CHCHD6: variants seen among roughly 807,000 people sequenced by gnomAD.
CHCHD6 encodes MICOS complex subunit MIC25.
In CHCHD6, 28 loss-of-function variants were observed where a neutral mutation model predicts 32.3. That is an observed-to-expected ratio of 0.87 (90% confidence interval 0.64 to 1.19). CHCHD6 has a LOEUF of 1.19. Ranked by LOEUF, CHCHD6 falls within the 50% of genes most tolerant of loss-of-function variation. The probability of loss-of-function intolerance (pLI) is 0.00; values close to 1 mark genes in which losing one functional copy is unlikely to be tolerated. For synonymous variants in CHCHD6, 122 were observed against 117.5 expected (o/e 1.04, Z -0.25); for missense variants, 333 against 307.0 (o/e 1.08, Z -0.63).
chr3:126,899,738 G>A (rs568806433), intron 5 of CHCHD6, among the ~76,000 whole-genome samples: 2 of 152,352 alleles, frequency 1.3e-5, no homozygotes, highest in Admixed American at 1.3e-4. Context: ...ACATTGGAAA[G>A]GGACATTTTG....
At chr3:126,932,826 C>T (rs149248871) in intron 6 of CHCHD6, among the ~76,000 whole-genome samples, 6 of 152,338 alleles carry the variant, frequency 3.9e-5, no homozygotes, top group Non-Finnish European at 7.3e-5. Flanking sequence ...CCTCCCTGTC[C>T]GTTTGCTGAG....
At chr3:126,806,766 C>T (rs971579937) in intron 4 of CHCHD6, among the ~76,000 whole-genome samples, 14 of 151,996 alleles carry the variant, frequency 9.2e-5, no homozygotes, top group African/African-American at 3.4e-4. Flanking sequence ...TATTGCGGCA[C>T]TATTCCCAAT....
In CHCHD6 at chr3:126,746,936, G is replaced by A. The variant is rs557770406; in HGVS notation, c.411+13714G>A. ...GTGGCTGCACAGGCAGCGCTCTGCT[G>A]GCACCAAGGACAGCATGGTTAGCCT... is the stretch of plus-strand genomic sequence containing the variant. On this transcript the variant is annotated intron_variant, in intron 4 of 7. Transcript: ENST00000290913. 4.6e-5 allele frequency among the ~76,000 whole-genome samples: 7 copies of A among 152,298 alleles called. No individual in the cohort carries two copies. In the East Asian group the frequency reaches 1.4e-3, roughly 29 times the overall value.
intron 6 of CHCHD6, among the ~76,000 whole-genome samples, chr3:126,954,631 C>T (rs1449377493): frequency 1.3e-5 from 2 of 152,218 alleles, no homozygotes; most frequent in African/African-American, 4.8e-5. Context: ...CACCATGACA[C>T]ACAGGTCCCC....
At chr3:126,929,630 A>G (rs1044288784) in intron 6 of CHCHD6, among the ~76,000 whole-genome samples, 3 of 152,110 alleles carry the variant, frequency 2.0e-5, no homozygotes, top group Admixed American at 6.5e-5. Context: ...CAGTGGCACA[A>G]TCTCGGCTCA....
At chr3:126,870,312 C>T (rs556882837) in intron 5 of CHCHD6, among the ~76,000 whole-genome samples, 136 of 152,278 alleles carry the variant, frequency 8.9e-4, no homozygotes, top group African/African-American at 3.1e-3. Context: ...AATTAGGACC[C>T]GTTGCTTCTA....
intron 6 of CHCHD6, among the ~76,000 whole-genome samples, chr3:126,947,765 T>C (rs1415230283): frequency 6.6e-6 from 1 of 152,164 alleles, no homozygotes; most frequent in African/African-American, 2.4e-5. Flanking sequence ...TCAGCTCCCC[T>C]CCCACAGGCT....
At chr3:126,949,657 C>T (rs2078689727) in intron 6 of CHCHD6, 1 of 206,922 alleles carries the variant, frequency 4.8e-6, no homozygotes, top group South Asian at 6.1e-5. Context: ...AAGGCTGCTG[C>T]GCGGACTGCC....
At chr3:126,915,406 C>T (rs1383279012) in intron 6 of CHCHD6, among the ~76,000 whole-genome samples, 1 of 152,188 alleles carries the variant, frequency 6.6e-6, no homozygotes, top group African/African-American at 2.4e-5. Context: ...TCTGCTCAGT[C>T]AATAGTACAG....
chr3:126,943,862 C>T (rs1430262392), intron 6 of CHCHD6, among the ~76,000 whole-genome samples: 3 of 152,154 alleles, frequency 2.0e-5, no homozygotes, highest in Admixed American at 1.3e-4. Flanking sequence ...TCTGTTTTTC[C>T]TTTTAGGTTA....
At position 126,730,749 on chromosome 3, in the gene CHCHD6, A is replaced by G. The variant is rs144962744; in HGVS notation, c.266+119A>G. 1.0e-5 allele frequency: 8 copies of G among 762,838 alleles called. No homozygotes were observed. In the Middle Eastern group the frequency reaches 1.1e-3, roughly 105 times the overall value. The allele number at this position is 762,838 out of a possible 1,614,324, so 47.3% of individuals were successfully genotyped here. A position where few individuals can be genotyped will look rare whatever the true frequency, so the allele number is the denominator to read the frequency against. On this transcript the variant is annotated intron_variant, in intron 3 of 7. Coordinates refer to ENST00000290913, the MANE Select transcript of CHCHD6 (RefSeq NM_032343.3). ...GGCTTTGTCTCACATAATTAATCTC[A>G]GTTGCATTGAAGGACAACCCTATGG...
At chr3:126,865,301 CCA>C (rs1295932591) in intron 5 of CHCHD6, among the ~76,000 whole-genome samples, 2 of 151,686 alleles carry the variant, frequency 1.3e-5, no homozygotes, top group Non-Finnish European at 2.9e-5. Context: ...ACCTCCATTA[CCA>C]ACTACACCTC....
chr3:126,921,711 G>C (rs533155756), intron 6 of CHCHD6, among the ~76,000 whole-genome samples: 55 of 152,310 alleles, frequency 3.6e-4, no homozygotes, highest in Non-Finnish European at 7.1e-4. Context: ...TGATTAATGT[G>C]GATGTGGCAG....
At chr3:126,733,269 C>G (rs775147236) in intron 4 of CHCHD6, 47 bp downstream of exon 4, 8 of 1,577,120 alleles carry the variant, frequency 5.1e-6, no homozygotes, top group Non-Finnish European at 6.0e-6. Flanking sequence ...TGGGCAGCAC[C>G]CTGGGAAATA....
chr3:126,747,321 CT>C lies in CHCHD6; in HGVS notation c.411+14100del, dbSNP rs1278786268. 2.0e-5 allele frequency among the ~76,000 whole-genome samples: 3 copies of C among 152,302 alleles called. No individual in the cohort carries two copies. In the East Asian group the frequency reaches 5.8e-4, roughly 29 times the overall value. On this transcript the variant is annotated intron_variant, in intron 4 of 7. Coordinates refer to ENST00000290913, the MANE Select transcript of CHCHD6 (RefSeq NM_032343.3). ...AGAGACTTGTATTTGCAGCTCATTT[CT>C]ACTGCTTATCTGGGATATCTCCATA...
chr3:126,765,881 C>T (rs1156704790), intron 4 of CHCHD6, among the ~76,000 whole-genome samples: 6 of 152,222 alleles, frequency 3.9e-5, no homozygotes, highest in African/African-American at 1.4e-4. Context: ...AGGGGAGAAA[C>T]AGAACCAACA....
At chr3:126,732,921 G>A (rs966156053) in intron 3 of CHCHD6, among the ~76,000 whole-genome samples, 157 bp from the exon 4 acceptor site, 3 of 152,174 alleles carry the variant, frequency 2.0e-5, no homozygotes, top group East Asian at 3.9e-4. Context: ...GGAATGATGG[G>A]GCATGCGGTT....
At chr3:126,787,381 T>C (rs1938269761) in intron 4 of CHCHD6, among the ~76,000 whole-genome samples, 1 of 152,248 alleles carries the variant, frequency 6.6e-6, no homozygotes, top group African/African-American at 2.4e-5. Context: ...GGTAGCTTGA[T>C]GGGGATGGCA....
Position 126,960,232 on chromosome 3 carries a change from G to T in CHCHD6, c.*31G>T. Reference sequence around the variant, plus strand: ...AGACATCATTCCCTGCCCTGGCAGTGACTTGGAGCCCTGAAGAAGGGACCA... The same window carrying T: ...AGACATCATTCCCTGCCCTGGCAGTTACTTGGAGCCCTGAAGAAGGGACCA... On this transcript the variant is annotated 3_prime_UTR_variant, in exon 8 of 8. Coordinates refer to ENST00000290913, the MANE Select transcript of CHCHD6 (RefSeq NM_032343.3). The T allele has an allele frequency of 6.4e-7, 1 of 1,551,260 alleles. No individual in the cohort carries two copies. The highest frequency in any genetic ancestry group is 1.2e-5 in the South Asian group (1 of 84,026).
Sources: gnomAD v4.1 joint callset for allele counts (sites outside exome capture counted in the v4.1 genomes callset) on GRCh38, gnomAD v4.1.1 for gene constraint, MANE v1.5 for transcripts, NCBI Gene and HGNC (gene_info 2026-07-23, HGNC 2026-07-21) for gene names.